The following TAFA4 variants were observed in gnomAD, a reference collection of about 807,000 sequenced individuals.
TAFA4 encodes TAFA chemokine like family member 4.
Under a neutral mutation model 21.1 loss-of-function variants are expected in TAFA4, and 20 were observed. The ratio of observed to expected loss-of-function variants is 0.95; its 90% CI spans 0.67 to 1.38. TAFA4 has a LOEUF of 1.38. Ranked by LOEUF, TAFA4 falls within the 40% of genes most tolerant of loss-of-function variation. TAFA4 has a pLI of 0.00. For synonymous variants in TAFA4, 71 were observed against 67.4 expected (o/e 1.05, Z -0.26); for missense variants, 211 against 180.9 (o/e 1.17, Z -0.95).
chr3:68,833,980 G>C (rs116214913), intron 3 of TAFA4, among the ~76,000 whole-genome samples: 3,043 of 152,260 alleles, frequency 0.02, 98 homozygotes, highest in African/African-American at 0.069. Flanking sequence ...TCAGTTGGAG[G>C]GGAGAGGCAG....
At chr3:68,851,888 T>C (rs1230005207) in intron 3 of TAFA4, among the ~76,000 whole-genome samples, 2 of 152,052 alleles carry the variant, frequency 1.3e-5, no homozygotes, top group African/African-American at 2.4e-5. Flanking sequence ...ATCAGATCTA[T>C]AGGACAAGGG....
chr3:68,753,301 A>G (rs751004611), intron 3 of TAFA4, among the ~76,000 whole-genome samples: 1 of 151,226 alleles, frequency 6.6e-6, no homozygotes, highest in Non-Finnish European at 1.5e-5. Flanking sequence ...ACATGATAAA[A>G]GAGAGTTTGC....
intron 3 of TAFA4, among the ~76,000 whole-genome samples, chr3:68,823,109 G>A (rs1245906406): frequency 6.6e-6 from 1 of 152,082 alleles, no homozygotes; most frequent in African/African-American, 2.4e-5. Flanking sequence ...ATGATTTCTG[G>A]TGGTCTTTTC....
intron 3 of TAFA4, among the ~76,000 whole-genome samples, chr3:68,869,829 T>C (rs2089463056): frequency 6.6e-6 from 1 of 151,992 alleles, no homozygotes; most frequent in South Asian, 2.1e-4. Context: ...TACCACTTTT[T>C]TTCAACATAA....
intron 5 of TAFA4, among the ~76,000 whole-genome samples, chr3:68,738,268 G>A (rs1301868180): frequency 6.6e-6 from 1 of 152,204 alleles, no homozygotes; most frequent in Non-Finnish European, 1.5e-5. Context: ...AGAGCAGCAA[G>A]AAGGAAGCGG....
chr3:68,880,660 A>G (rs1001870630), intron 3 of TAFA4, 70 bp downstream of exon 3: 1 of 1,306,582 alleles, frequency 7.7e-7, no homozygotes, highest in Non-Finnish European at 1.1e-6. Context: ...ATCTGTGTCT[A>G]AAATGTGGAC....
chr3:68,883,518 A>C (rs2089639863), intron 2 of TAFA4, among the ~76,000 whole-genome samples: 1 of 152,230 alleles, frequency 6.6e-6, no homozygotes, highest in African/African-American at 2.4e-5. Context: ...AAAGATGTGA[A>C]ACTCATCAAA....
At chr3:68,780,885 C>A (rs1195745345) in intron 3 of TAFA4, among the ~76,000 whole-genome samples, 4 of 134,188 alleles carry the variant, frequency 3.0e-5, no homozygotes, top group Admixed American at 7.5e-5. Context: ...CAAGTCAGAT[C>A]ATATTCTAGG....
intron 3 of TAFA4, among the ~76,000 whole-genome samples, chr3:68,774,150 A>G (rs7623995): frequency 0.2 from 31,161 of 152,076 alleles, 4,070 homozygotes; most frequent in East Asian, 0.61. Flanking sequence ...CAATACTTGG[A>G]AAGGTAGCCT....
At chr3:68,810,494 G>A (rs548041612) in intron 3 of TAFA4, among the ~76,000 whole-genome samples, 35 of 152,302 alleles carry the variant, frequency 2.3e-4, no homozygotes, top group Non-Finnish European at 3.1e-4. Flanking sequence ...CTTTTCCAAC[G>A]GTCTTAGCAA....
At chr3:68,862,639 C>T (rs2089360454) in intron 3 of TAFA4, among the ~76,000 whole-genome samples, 1 of 152,084 alleles carries the variant, frequency 6.6e-6, no homozygotes, top group Non-Finnish European at 1.5e-5. Flanking sequence ...ACCCTTGCCA[C>T]CTTCTGAGCT....
intron 3 of TAFA4, among the ~76,000 whole-genome samples, chr3:68,828,863 C>T (rs1165774255): frequency 1.3e-5 from 2 of 152,112 alleles, no homozygotes; most frequent in Non-Finnish European, 2.9e-5. Context: ...ATTGAATATG[C>T]TTTATTTCTT....
intron 3 of TAFA4, among the ~76,000 whole-genome samples, chr3:68,772,947 A>G (rs1382177756): frequency 6.6e-6 from 1 of 152,212 alleles, no homozygotes; most frequent in Non-Finnish European, 1.5e-5. Context: ...TTTTAAAACA[A>G]TAATTCCTTC....
chr3:68,928,979 G>A (rs1341312456), intron 1 of TAFA4, among the ~76,000 whole-genome samples: 1 of 86,876 alleles, frequency 1.2e-5, no homozygotes, highest in Non-Finnish European at 2.5e-5. Context: ...TTACAATTAA[G>A]TTTATTTAAA....
chr3:68,867,504 C>T lies in TAFA4; in HGVS notation c.130+13226G>A, dbSNP rs77807216. ...ACATTTGAAGGTAACAAACTAACTG[C>T]TAAAGTAAGTACACAGATAAATTCA... On this transcript the variant is annotated intron_variant, in intron 3 of 5. Coordinates refer to ENST00000295569, the MANE Select transcript of TAFA4 (RefSeq NM_182522.5). Among the ~76,000 whole-genome samples, 1,454 of 152,144 alleles carry T rather than the reference C, an allele frequency of 9.6e-3. 22 individuals carry two copies. Among genetic ancestry groups the T allele is most frequent in the African/African-American group, 0.033 (1,375 of 41,524 alleles).
At chr3:68,865,933 GCAAAAAAATTCACC>G (rs1027650780) in intron 3 of TAFA4, among the ~76,000 whole-genome samples, 5 of 152,042 alleles carry the variant, frequency 3.3e-5, no homozygotes, top group Admixed American at 3.3e-4. Flanking sequence ...AGCACCATGT[GCAAAAAAATTCACC>G]CAGATTTATG....
intron 2 of TAFA4, among the ~76,000 whole-genome samples, chr3:68,881,964 T>G (rs1399113489): frequency 6.6e-6 from 1 of 152,180 alleles, no homozygotes; most frequent in Admixed American, 6.5e-5. Flanking sequence ...GGCACACACA[T>G]GTTCTGCTGC....
intron 3 of TAFA4, among the ~76,000 whole-genome samples, chr3:68,864,859 A>G (rs926485234): frequency 2.0e-5 from 3 of 152,124 alleles, no homozygotes; most frequent in Non-Finnish European, 2.9e-5. Flanking sequence ...GCAGAAAGAA[A>G]CCAGATGAAA....
intron 1 of TAFA4, among the ~76,000 whole-genome samples, chr3:68,892,649 A>G (rs1274090469): frequency 6.6e-6 from 1 of 152,246 alleles, no homozygotes; most frequent in Non-Finnish European, 1.5e-5. Flanking sequence ...TTAAATAAAT[A>G]GACATGCTAT....
Sources: gnomAD v4.1 joint callset for allele counts (sites outside exome capture counted in the v4.1 genomes callset) on GRCh38, gnomAD v4.1.1 for gene constraint, MANE v1.5 for transcripts, NCBI Gene and HGNC (gene_info 2026-07-23, HGNC 2026-07-21) for gene names.